The following DHX35 variants were observed in gnomAD, a reference collection of about 807,000 sequenced individuals.
DHX35 encodes the protein DEAH-box helicase 35.
A neutral mutation model predicts 99.6 loss-of-function variants in DHX35; 84 were observed. The ratio of observed to expected loss-of-function variants is 0.84; its 90% CI spans 0.71 to 1.01. The LOEUF (loss-of-function observed/expected upper bound fraction) is 1.01, where lower values mean the gene tolerates loss of function less well. DHX35 is among the 50% of genes least tolerant of loss of function. The probability of loss-of-function intolerance (pLI) is 0.00; values close to 1 mark genes in which losing one functional copy is unlikely to be tolerated. For missense variants in DHX35, 852 were observed against 888.5 expected, an observed-to-expected ratio of 0.96 and a Z score of 0.52; for synonymous variants, 331 against 316.2, an observed-to-expected ratio of 1.05 and a Z score of -0.50.
At position 39,028,417 on chromosome 20, in the gene DHX35, G is replaced by A; in HGVS notation, c.1802-1G>A. ...CGCCTCTCTGTTGGCTGCCTATGTA[G>A]GTGACCCGGATCTGGTTCTGAGGTG... On this transcript the variant is annotated splice_acceptor_variant, in intron 18 of 21. Coordinates refer to ENST00000252011, the MANE Select transcript of DHX35 (RefSeq NM_021931.4). LOFTEE classifies it high-confidence loss of function. 6.2e-7 allele frequency: 1 copy of A among 1,614,206 alleles called. No individual in the cohort carries two copies. The highest frequency in any genetic ancestry group is 1.3e-5 in the African/African-American group (1 of 75,054).
intron 14 of DHX35, among the ~76,000 whole-genome samples, chr20:39,017,340 G>A (rs576627346): frequency 6.9e-6 from 1 of 144,770 alleles, no homozygotes; most frequent in South Asian, 2.2e-4. Context: ...TGGAGTGAAT[G>A]TGTGTTGGAG....
At chr20:38,968,424 C>A (rs1000615645) in intron 1 of DHX35, among the ~76,000 whole-genome samples, 2 of 152,220 alleles carry the variant, frequency 1.3e-5, no homozygotes, top group African/African-American at 4.8e-5. Flanking sequence ...CACTGGGTTT[C>A]TTTCACTTCT....
chr20:38,993,719 A>G (rs2086378197), intron 7 of DHX35, among the ~76,000 whole-genome samples: 1 of 150,546 alleles, frequency 6.6e-6, no homozygotes, highest in Admixed American at 6.6e-5. Flanking sequence ...CTATTTTTCA[A>G]GGGCTCTATA....
chr20:39,038,618 G>T lies in DHX35; in HGVS notation c.*75G>T, dbSNP rs2087195874. 1 of 1,504,258 alleles carries T rather than the reference G, an allele frequency of 6.6e-7. No individual in the cohort carries two copies. Among genetic ancestry groups the T allele is most frequent in the East Asian group, 2.4e-5 (1 of 42,514 alleles). 93.2% of individuals were successfully genotyped at this position (1,504,258 alleles called of 1,614,324 possible). A position where few individuals can be genotyped will look rare whatever the true frequency, so the allele number is the denominator to read the frequency against. On this transcript the variant is annotated 3_prime_UTR_variant, in exon 22 of 22. Coordinates refer to ENST00000252011, the MANE Select transcript of DHX35 (RefSeq NM_021931.4). ...TGCTGCTGCCCCTGGTCCCAGGTGG[G>T]GTGAGCTGGCACCAGCTCCTGTGGA...
chr20:39,037,387 G>A (rs1478550452), intron 21 of DHX35, among the ~76,000 whole-genome samples: 2 of 152,212 alleles, frequency 1.3e-5, no homozygotes, highest in Non-Finnish European at 2.9e-5. Flanking sequence ...GCAAGAGCCT[G>A]TAGTAGTCCT....
intron 2 of DHX35, among the ~76,000 whole-genome samples, chr20:38,970,550 C>A (rs1241161141): frequency 6.6e-6 from 1 of 152,212 alleles, no homozygotes; most frequent in East Asian, 1.9e-4. Flanking sequence ...TGGAGCTAGA[C>A]TTCAGGGTTC....
intron 20 of DHX35, among the ~76,000 whole-genome samples, chr20:39,032,216 A>C (rs1349443931): frequency 6.6e-6 from 1 of 152,172 alleles, no homozygotes; most frequent in Non-Finnish European, 1.5e-5. Flanking sequence ...CAGTGTCTCA[A>C]TCTGTTGCCC....
rs762608450 is a variant in DHX35, at chr20:38,994,810, T to G, written c.583-11T>G. 6.2e-7 allele frequency: 1 copy of G among 1,610,872 alleles called. No individual in the cohort carries two copies. Among genetic ancestry groups the G allele is most frequent in the Non-Finnish European group, 8.5e-7 (1 of 1,177,216 alleles). On this transcript the variant is annotated splice_polypyrimidine_tract_variant and intron_variant, in intron 7 of 21. Transcript: ENST00000252011. ...ACTATTATCATTATTTCCAAATGTC[T>G]TCTTTTTTAGATTCAGAAAAAGCGA...
At chr20:38,980,729 A>T (rs185871658) in intron 3 of DHX35, among the ~76,000 whole-genome samples, 159 of 152,260 alleles carry the variant, frequency 1.0e-3, no homozygotes, top group African/African-American at 3.7e-3. Flanking sequence ...ACTCTTCACT[A>T]CTAGTGCAGA....
At chr20:39,037,677 A>T (rs550927358) in intron 21 of DHX35, among the ~76,000 whole-genome samples, 49 of 152,108 alleles carry the variant, frequency 3.2e-4, no homozygotes, top group African/African-American at 1.1e-3. Context: ...CGGCTTAGGG[A>T]TCTCTTGGTT....
intron 5 of DHX35, among the ~76,000 whole-genome samples, chr20:38,991,188 A>G (rs1271589025): frequency 3.9e-5 from 6 of 152,202 alleles, no homozygotes; most frequent in African/African-American, 1.4e-4. Context: ...GCCCAGAGGA[A>G]ATGGGGCATA....
At chr20:39,011,332 T>C (rs1481953667) in intron 13 of DHX35, among the ~76,000 whole-genome samples, 3 of 152,102 alleles carry the variant, frequency 2.0e-5, no homozygotes, top group Non-Finnish European at 4.4e-5. Flanking sequence ...CTTTGGCTAT[T>C]CTTTTTTTCT....
At chr20:38,989,420 G>A (rs554911355) in intron 5 of DHX35, among the ~76,000 whole-genome samples, 1 of 151,918 alleles carries the variant, frequency 6.6e-6, no homozygotes, top group South Asian at 2.1e-4. Context: ...GCCGACACAG[G>A]GCTCTTTCAA....
At chr20:38,965,942 T>C (rs769959358) in intron 1 of DHX35, among the ~76,000 whole-genome samples, 11 of 152,352 alleles carry the variant, frequency 7.2e-5, no homozygotes, top group Non-Finnish European at 1.5e-4. Flanking sequence ...TTTTTTTGAC[T>C]TGACCCACAG....
At chr20:39,028,574 GC>G in intron 19 of DHX35, 75 bp downstream of exon 19, 1 of 1,473,236 alleles carries the variant, frequency 6.8e-7, no homozygotes, top group Non-Finnish European at 9.5e-7. Flanking sequence ...AGAAAGCTGT[GC>G]AGAGATAGTA....
intron 8 of DHX35, 31 bp downstream of exon 8, chr20:38,994,911 C>A: frequency 6.2e-7 from 1 of 1,603,606 alleles, no homozygotes; most frequent in Non-Finnish European, 8.5e-7. Flanking sequence ...TTCCTCCTCT[C>A]CTCACAAACA....
intron 20 of DHX35, among the ~76,000 whole-genome samples, chr20:39,032,223 G>T (rs1053470003): frequency 6.6e-6 from 1 of 152,184 alleles, no homozygotes; most frequent in Non-Finnish European, 1.5e-5. Flanking sequence ...TCAATCTGTT[G>T]CCCAGTGGTG....
intron 13 of DHX35, 59 bp downstream of exon 13, chr20:39,010,463 C>T: frequency 6.2e-7 from 1 of 1,601,666 alleles, no homozygotes; most frequent in South Asian, 1.1e-5. Context: ...AGGGGGATGT[C>T]AGGACATTGT....
intron 8 of DHX35, among the ~76,000 whole-genome samples, chr20:39,000,476 T>A (rs377455249): frequency 2.6e-5 from 4 of 152,332 alleles, no homozygotes; most frequent in African/African-American, 9.6e-5. Context: ...CAAAAGAAAG[T>A]GAACAGGAGT....
Sources: allele counts gnomAD v4.1 joint callset (sites outside exome capture counted in the v4.1 genomes callset), GRCh38; gene constraint gnomAD v4.1.1; transcripts MANE v1.5; gene names NCBI Gene and HGNC (gene_info 2026-07-23, HGNC 2026-07-21).